The following ST18 variants were observed in gnomAD, a reference collection of about 807,000 sequenced individuals.
ST18 encodes the protein ST18 C2H2C-type zinc finger transcription factor.
Under a neutral mutation model 110.0 loss-of-function variants are expected in ST18, and 50 were observed. The ratio of observed to expected loss-of-function variants is 0.45; its 90% CI spans 0.36 to 0.58. The LOEUF (loss-of-function observed/expected upper bound fraction) is 0.58. Ranked by LOEUF, ST18 falls within the 20% of genes least tolerant of loss-of-function variation. ST18 has a pLI of 0.00. For synonymous variants in ST18, 461 were observed against 452.4 expected (o/e 1.02, Z -0.24); for missense variants, 1,306 against 1,280.1 (o/e 1.02, Z -0.31).
chr8:52,161,372 T>G lies in ST18; in HGVS notation c.1594+3A>C. On this transcript the variant is annotated splice_donor_region_variant and intron_variant, in intron 14 of 25. Coordinates refer to ENST00000689386, the MANE Select transcript of ST18 (RefSeq NM_001352837.2). Reference sequence around the variant, plus strand: ...GGAAACGGCATTAGAGCTCAAAGCTTACATTCAGGAAATGGTGGTGTTTTT... The same window carrying G: ...GGAAACGGCATTAGAGCTCAAAGCTGACATTCAGGAAATGGTGGTGTTTTT... The G allele has an allele frequency of 6.2e-7, 1 of 1,613,044 alleles. No homozygotes were observed. The highest frequency in any genetic ancestry group is 8.5e-7 in the Non-Finnish European group (1 of 1,179,284).
intron 2 of ST18, among the ~76,000 whole-genome samples, chr8:52,235,179 A>G (rs140977183): frequency 7.2e-5 from 11 of 152,170 alleles, no homozygotes; most frequent in Non-Finnish European, 1.2e-4. Flanking sequence ...TTAAAAATGA[A>G]TAAAAATAAA....
chr8:52,361,204 T>C (rs1825598570), intron 2 of ST18, among the ~76,000 whole-genome samples: 1 of 152,236 alleles, frequency 6.6e-6, no homozygotes, highest in African/African-American at 2.4e-5. Flanking sequence ...ATCGATTAGC[T>C]TTGGCTATAA....
intron 8 of ST18, among the ~76,000 whole-genome samples, chr8:52,180,654 T>C (rs1472258541): frequency 6.6e-6 from 1 of 151,636 alleles, no homozygotes; most frequent in East Asian, 1.9e-4. Context: ...ATGTGAAAAA[T>C]ATACCACCAG....
intron 2 of ST18, among the ~76,000 whole-genome samples, chr8:52,245,592 C>T (rs1213904665): frequency 3.2e-4 from 49 of 151,972 alleles, no homozygotes; most frequent in Admixed American, 3.0e-3. Flanking sequence ...AATTTTCATT[C>T]TAATTTTTTT....
At chr8:52,310,529 G>T (rs567488702) in intron 2 of ST18, among the ~76,000 whole-genome samples, 1 of 152,130 alleles carries the variant, frequency 6.6e-6, no homozygotes, top group Non-Finnish European at 1.5e-5. Flanking sequence ...GGAGTTGTTT[G>T]TGTTATTCTG....
At chr8:52,282,807 C>T (rs1327095135) in intron 2 of ST18, among the ~76,000 whole-genome samples, 3 of 152,024 alleles carry the variant, frequency 2.0e-5, no homozygotes, top group African/African-American at 4.8e-5. Flanking sequence ...GAAGAGGCCC[C>T]GAGAAAGTAT....
At chr8:52,130,119 A>AAAAGAAAGAAAGAAAGAAAAGAAAG (rs2048794814) in intron 22 of ST18, among the ~76,000 whole-genome samples, 2 of 105,164 alleles carry the variant, frequency 1.9e-5, no homozygotes, top group East Asian at 2.8e-4. Context: ...AGAAAGAAAG[A>AAAAGAAAGAAAGAAAGAAAAGAAAG]AAAGAAAGAA....
At chr8:52,238,408 A>G (rs1321856113) in intron 2 of ST18, among the ~76,000 whole-genome samples, 1 of 152,212 alleles carries the variant, frequency 6.6e-6, no homozygotes, top group African/African-American at 2.4e-5. Context: ...AAATTAGTGC[A>G]ACCTCTATAG....
intron 2 of ST18, among the ~76,000 whole-genome samples, chr8:52,232,717 C>A (rs1260503722): frequency 6.6e-6 from 1 of 151,810 alleles, no homozygotes; most frequent in African/African-American, 2.4e-5. Context: ...GGGTATTTTG[C>A]AATACTGTTC....
At chr8:52,161,648 A>G in intron 13 of ST18, 80 bp from the exon 14 acceptor site, 2 of 1,476,490 alleles carry the variant, frequency 1.4e-6, no homozygotes, top group East Asian at 2.3e-5. Context: ...TTTACAGTAG[A>G]TACATGTGTC....
chr8:52,172,805 C>A (rs2065459981), intron 9 of ST18, among the ~76,000 whole-genome samples: 1 of 152,030 alleles, frequency 6.6e-6, no homozygotes, highest in Non-Finnish European at 1.5e-5. Flanking sequence ...AAAACTTAGA[C>A]CTTAATAGTC....
At chr8:52,146,926 G>A (rs3891723) in intron 16 of ST18, among the ~76,000 whole-genome samples, 33,524 of 152,074 alleles carry the variant, frequency 0.22, 4,595 homozygotes, top group African/African-American at 0.39. Context: ...AGATAACTGG[G>A]ACAATAAGCA....
chr8:52,236,074 GA>G (rs2092620663), intron 2 of ST18, among the ~76,000 whole-genome samples: 1 of 152,168 alleles, frequency 6.6e-6, no homozygotes, highest in Non-Finnish European at 1.5e-5. Flanking sequence ...GCAGTGGTGG[GA>G]AGTAGAAAAT....
At chr8:52,246,422 C>A (rs1047790809) in intron 2 of ST18, among the ~76,000 whole-genome samples, 4 of 152,016 alleles carry the variant, frequency 2.6e-5, no homozygotes, top group African/African-American at 9.7e-5. Flanking sequence ...TAGATGTTGC[C>A]TTTCTAAATT....
At chr8:52,346,450 A>G (rs1817817328) in intron 2 of ST18, among the ~76,000 whole-genome samples, 2 of 152,184 alleles carry the variant, frequency 1.3e-5, no homozygotes, top group South Asian at 4.1e-4. Flanking sequence ...ACAATAAAAG[A>G]ATTTCCCATA....
intron 2 of ST18, among the ~76,000 whole-genome samples, chr8:52,381,200 C>T (rs955742512): frequency 2.6e-5 from 4 of 152,116 alleles, no homozygotes; most frequent in Admixed American, 6.5e-5. Context: ...CAGCTACCTG[C>T]GGACTAAAAA....
intron 2 of ST18, among the ~76,000 whole-genome samples, chr8:52,310,157 A>G (rs2095880147): frequency 6.6e-6 from 1 of 152,188 alleles, no homozygotes; most frequent in Non-Finnish European, 1.5e-5. Context: ...AGAGAACAAG[A>G]GACCTCATTT....
At chr8:52,173,841 C>A (rs1028857272) in intron 9 of ST18, among the ~76,000 whole-genome samples, 1 of 152,172 alleles carries the variant, frequency 6.6e-6, no homozygotes, top group Non-Finnish European at 1.5e-5. Context: ...CACAGCCATC[C>A]GGTGTGAGCA....
At chr8:52,380,383 T>A (rs1469527537) in intron 2 of ST18, among the ~76,000 whole-genome samples, 2 of 152,190 alleles carry the variant, frequency 1.3e-5, no homozygotes, top group Non-Finnish European at 2.9e-5. Context: ...GTTTATGTCA[T>A]CTGTAAGGCT....
Sources: allele counts gnomAD v4.1 joint callset (sites outside exome capture counted in the v4.1 genomes callset), GRCh38; gene constraint gnomAD v4.1.1; transcripts MANE v1.5; gene names NCBI Gene and HGNC (gene_info 2026-07-23, HGNC 2026-07-21).